The following REEP3 variants were observed in gnomAD, a reference collection of about 807,000 sequenced individuals.
REEP3 encodes receptor expression-enhancing protein 3.
REEP3 carries 20 observed loss-of-function variants against 41.3 expected under a neutral mutation model. That is an observed-to-expected ratio of 0.48 (90% CI 0.34 to 0.70). REEP3 has a LOEUF of 0.70. Among genes scored for constraint, REEP3 ranks in the 30% least tolerant of loss-of-function variants. REEP3 has a pLI of 0.01. For missense variants in REEP3, 271 were observed against 308.8 expected, an observed-to-expected ratio of 0.88 and a Z score of 0.92; for synonymous variants, 104 against 101.8, an observed-to-expected ratio of 1.02 and a Z score of -0.13.
intron 2 of REEP3, among the ~76,000 whole-genome samples, chr10:63,580,615 G>A (rs1444776078): frequency 6.6e-6 from 1 of 151,978 alleles, no homozygotes; most frequent in Non-Finnish European, 1.5e-5. Context: ...AATAACTAAG[G>A]TATAGGGTAA....
intron 6 of REEP3, among the ~76,000 whole-genome samples, chr10:63,615,387 T>G (rs766531613): frequency 3.9e-5 from 6 of 152,092 alleles, no homozygotes. Flanking sequence ...AGATGGGATA[T>G]CAGTATGTTG....
intron 1 of REEP3, among the ~76,000 whole-genome samples, chr10:63,524,853 G>A (rs570578973): frequency 6.6e-6 from 1 of 151,954 alleles, no homozygotes; most frequent in South Asian, 2.1e-4. Context: ...TGAAACCGTT[G>A]TAAAGAAAAT....
intron 5 of REEP3, among the ~76,000 whole-genome samples, chr10:63,603,601 C>CAAAA (rs1460869422): frequency 6.6e-6 from 1 of 152,094 alleles, no homozygotes; most frequent in Non-Finnish European, 1.5e-5. Context: ...CAAGTAGAAG[C>CAAAA]CCATATCCCC....
intron 2 of REEP3, among the ~76,000 whole-genome samples, chr10:63,587,641 A>G (rs1956020098): frequency 6.6e-6 from 1 of 152,052 alleles, no homozygotes; most frequent in Non-Finnish European, 1.5e-5. Context: ...ATATTTGAAA[A>G]CTCAGATTCT....
At chr10:63,549,051 TAAAG>T (rs952987924) in intron 1 of REEP3, among the ~76,000 whole-genome samples, 1 of 151,780 alleles carries the variant, frequency 6.6e-6, no homozygotes, top group Non-Finnish European at 1.5e-5. Context: ...CCAAGAAAGG[TAAAG>T]AGAGAACTAA....
At chr10:63,523,490 A>C (rs779953698) in intron 1 of REEP3, among the ~76,000 whole-genome samples, 38 of 152,278 alleles carry the variant, frequency 2.5e-4, no homozygotes, top group Non-Finnish European at 3.7e-4. Flanking sequence ...AAATTTAATT[A>C]GCTAGTCACA....
chr10:63,536,665 GA>G (rs1955477173), intron 1 of REEP3, among the ~76,000 whole-genome samples: 1 of 151,484 alleles, frequency 6.6e-6, no homozygotes, highest in African/African-American at 2.4e-5. Flanking sequence ...AAATCAGTAA[GA>G]AAAAAAATTA....
At chr10:63,592,321 T>C (rs1003729791) in intron 2 of REEP3, among the ~76,000 whole-genome samples, 1 of 152,224 alleles carries the variant, frequency 6.6e-6, no homozygotes, top group African/African-American at 2.4e-5. Context: ...ATTACTTATT[T>C]TCAAACCCTT....
chr10:63,582,674 T>C (rs1955965657), intron 2 of REEP3, among the ~76,000 whole-genome samples: 1 of 152,228 alleles, frequency 6.6e-6, no homozygotes, highest in Non-Finnish European at 1.5e-5. Flanking sequence ...TTTCCATTTT[T>C]TGTGGCTGGC....
In REEP3 at chr10:63,624,274, A is replaced by G. The variant is rs1457787100; in HGVS notation, c.*3405A>G. The G allele has an allele frequency of 6.6e-6, 1 of 152,112 alleles. No individual in the cohort carries two copies. The highest frequency in any genetic ancestry group is 1.5e-5 in the Non-Finnish European group (1 of 67,962). 9.4% of individuals were successfully genotyped at this position (152,112 alleles called of 1,614,324 possible). On this transcript the variant is annotated 3_prime_UTR_variant, in exon 8 of 8. Transcript: ENST00000373758. ...TATATTTCTTAGTAAATATCACTTA[A>G]GATTAAATTTTTCAGAAAGAAAATT...
At chr10:63,524,793 C>T (rs896859950) in intron 1 of REEP3, among the ~76,000 whole-genome samples, 1 of 152,118 alleles carries the variant, frequency 6.6e-6, no homozygotes, top group African/African-American at 2.4e-5. Context: ...ATGCTAAACC[C>T]TTCTGAGCTT....
At chr10:63,575,454 T>C (rs945772726) in intron 2 of REEP3, among the ~76,000 whole-genome samples, 2 of 152,228 alleles carry the variant, frequency 1.3e-5, no homozygotes, top group Admixed American at 1.3e-4. Flanking sequence ...AGAAATTTAG[T>C]TAAAATTATC....
chr10:63,615,548 CTTT>C (rs200849735), intron 6 of REEP3, among the ~76,000 whole-genome samples: 4 of 142,676 alleles, frequency 2.8e-5, no homozygotes, highest in African/African-American at 2.6e-5. Context: ...CTAAATTAAA[CTTT>C]TTTTTTTTTT....
chr10:63,542,662 G>T (rs1265275870), intron 1 of REEP3, among the ~76,000 whole-genome samples: 1 of 151,972 alleles, frequency 6.6e-6, no homozygotes, highest in East Asian at 1.9e-4. Context: ...TTTCAGACTC[G>T]CAACCCTTTT....
At chr10:63,576,715 G>A (rs1390535031) in intron 2 of REEP3, among the ~76,000 whole-genome samples, 5 of 152,184 alleles carry the variant, frequency 3.3e-5, no homozygotes, top group Non-Finnish European at 7.3e-5. Context: ...TCTGGAGACT[G>A]GAAGTCCAAA....
At position 63,599,265 on chromosome 10, in the gene REEP3, T is replaced by A; in HGVS notation, c.399T>A (p.Ala133=). ...GTTTAAACCTTGCAGCTACTGCTGC[T>A]GTTACTGCAGCAGTAAAGGTAATTG... ...RQGLNLAATA[A]VTAAVKSQGA... is the part of the protein sequence containing the mutation. The change falls in exon 5 of 8, where the codon GCT becomes GCA. Residue 133 remains alanine (A), a synonymous_variant. Coordinates refer to ENST00000373758, the MANE Select transcript of REEP3 (RefSeq NM_001001330.3). 1.4e-5 allele frequency: 21 copies of A among 1,492,912 alleles called. No homozygotes were observed. Among genetic ancestry groups the A allele is most frequent in the African/African-American group, 2.8e-5 (2 of 70,656 alleles). 92.5% of individuals were successfully genotyped at this position (1,492,912 alleles called of 1,614,324 possible).
intron 1 of REEP3, among the ~76,000 whole-genome samples, chr10:63,545,357 T>C (rs1037709146): frequency 6.6e-6 from 1 of 152,180 alleles, no homozygotes; most frequent in African/African-American, 2.4e-5. Context: ...TACAGCGTTA[T>C]AGAACATTTG....
chr10:63,547,589 G>GA (rs1218229888), intron 1 of REEP3, among the ~76,000 whole-genome samples: 2 of 152,090 alleles, frequency 1.3e-5, no homozygotes, highest in South Asian at 2.1e-4. Context: ...TATCTTTGGG[G>GA]AAAAAACTAG....
chr10:63,605,353 A>G (rs576007924), intron 5 of REEP3, among the ~76,000 whole-genome samples: 33 of 152,334 alleles, frequency 2.2e-4, no homozygotes, highest in African/African-American at 7.7e-4. Flanking sequence ...TTAAATGTGC[A>G]TGGGGAAATG....
Sources: allele counts gnomAD v4.1 joint callset (sites outside exome capture counted in the v4.1 genomes callset), GRCh38; gene constraint gnomAD v4.1.1; transcripts MANE v1.5; gene names NCBI Gene and HGNC (gene_info 2026-07-23, HGNC 2026-07-21).